The following SLC7A8 variants were observed in gnomAD, a reference collection of about 807,000 sequenced individuals.
SLC7A8 encodes large neutral amino acids transporter small subunit 2.
In SLC7A8, 30 loss-of-function variants were observed where a neutral mutation model predicts 51.2. The ratio of observed to expected loss-of-function variants is 0.59; its 90% CI spans 0.44 to 0.80. The LOEUF (loss-of-function observed/expected upper bound fraction) is 0.80, where lower values mean the gene tolerates loss of function less well. Among genes scored for constraint, SLC7A8 ranks in the 30% least tolerant of loss-of-function variants. The pLI, the probability that SLC7A8 is intolerant of heterozygous loss-of-function variation, is 0.00. For synonymous variants in SLC7A8, 257 were observed against 275.8 expected (o/e 0.93, Z 0.67); for missense variants, 612 against 674.4 (o/e 0.91, Z 1.03).
intron 3 of SLC7A8, chr14:23,154,554 G>T: frequency 1.1e-6 from 1 of 885,440 alleles, no homozygotes; most frequent in Non-Finnish European, 1.4e-6. Context: ...CTTCGGCTTG[G>T]CCTGTCCAAC....
At chr14:23,163,616 G>A (rs139049380) in intron 3 of SLC7A8, among the ~76,000 whole-genome samples, 4 of 152,186 alleles carry the variant, frequency 2.6e-5, no homozygotes, top group African/African-American at 7.2e-5. Flanking sequence ...CCCCCATCCC[G>A]TAACAGGACA....
chr14:23,142,335 G>A (rs1377028889), intron 4 of SLC7A8, among the ~76,000 whole-genome samples: 2 of 152,176 alleles, frequency 1.3e-5, no homozygotes, highest in South Asian at 2.1e-4. Flanking sequence ...CAGGGGCCCC[G>A]GGAATGCAGA....
rs572920953 is a variant in SLC7A8 at position 23,145,083 on chromosome 14, G to A, written c.509-1879C>T. ...CTACAGGCGCCCGCCACCACACCCA[G>A]CTAATTTTTTGTATTTTTAGTAAAG... On this transcript the variant is annotated intron_variant, in intron 3 of 10. Coordinates refer to ENST00000316902, the MANE Select transcript of SLC7A8 (RefSeq NM_012244.4). 7.3e-5 allele frequency among the ~76,000 whole-genome samples: 11 copies of A among 151,480 alleles called. No individual in the cohort carries two copies. In the South Asian group the frequency reaches 2.3e-3, roughly 32 times the overall value.
In SLC7A8 at chr14:23,126,945, G is replaced by T. The variant is rs551576643; in HGVS notation, c.*232C>A. The T allele has an allele frequency of 4.0e-3, 2,276 of 562,114 alleles. 10 individuals carry two copies. Among genetic ancestry groups the T allele is most frequent in the Non-Finnish European group, 6.0e-3 (1,899 of 316,668 alleles). The allele number at this position is 562,114 out of a possible 1,614,324, so 34.8% of individuals were successfully genotyped here. ...CCTCTCCTCCAGCAGCTGGGAGTGT[G>T]GGCAGCACTGGAGTGGGGCCTGGGA... On this transcript the variant is annotated 3_prime_UTR_variant, in exon 11 of 11. Coordinates refer to ENST00000316902, the MANE Select transcript of SLC7A8 (RefSeq NM_012244.4).
At position 23,126,171 on chromosome 14, in the gene SLC7A8, T is replaced by A. The variant is rs958214672; in HGVS notation, c.*1006A>T. 19 of 152,798 alleles carry A rather than the reference T, an allele frequency of 1.2e-4. No homozygotes were observed. The highest frequency in any genetic ancestry group is 4.6e-4 in the African/African-American group (19 of 41,410). 9.5% of individuals were successfully genotyped at this position (152,798 alleles called of 1,614,324 possible). On this transcript the variant is annotated 3_prime_UTR_variant, in exon 11 of 11. Coordinates refer to ENST00000316902, the MANE Select transcript of SLC7A8 (RefSeq NM_012244.4). ...ATAGGGGAGTATTTTTAGGCCAAGT[T>A]CTTGGATGGGAGGTGACTTAAGGCT...
chr14:23,162,593 G>C (rs1011620792), intron 3 of SLC7A8, among the ~76,000 whole-genome samples: 2 of 152,164 alleles, frequency 1.3e-5, no homozygotes, highest in African/African-American at 2.4e-5. Context: ...TCCTTGGCTT[G>C]GTCCTTGCAG....
chr14:23,128,111 C>G lies in SLC7A8; in HGVS notation c.1349G>C (p.Gly450Ala). 1.2e-6 allele frequency: 2 copies of G among 1,614,210 alleles called. No individual in the cohort carries two copies. Among genetic ancestry groups the G allele is most frequent in the Non-Finnish European group, 1.7e-6 (2 of 1,180,038 alleles). Residue 450 changes from glycine (G) to alanine (A), a missense_variant, in exon 10 of 11, where the codon GGC becomes GCC. Transcript: ENST00000316902. The surrounding 1 kb of genome is among the most constrained non-coding windows in gnomAD (Gnocchi z 4.3). ...FSLWSEPVVC[G>A]IGLAIMLTGV... Reference sequence around the variant, plus strand: ...TGTCAGCATGATGGCCAGGCCAATGCCACACACCACCGGCTCTGACCACAG... The same window carrying G: ...TGTCAGCATGATGGCCAGGCCAATGGCACACACCACCGGCTCTGACCACAG...
At chr14:23,129,898 A>G (rs910614531) in intron 8 of SLC7A8, 99 bp from the exon 9 acceptor site, 1 of 1,342,458 alleles carries the variant, frequency 7.4e-7, no homozygotes, top group Non-Finnish European at 1.0e-6. Context: ...AGATGATGCC[A>G]TCGTATAATG....
At position 23,165,660 on chromosome 14, in the gene SLC7A8, T is replaced by A. The variant is rs1237295211; in HGVS notation, c.357-224A>T. 2.0e-5 allele frequency among the ~76,000 whole-genome samples: 3 copies of A among 152,218 alleles called. No individual in the cohort carries two copies. The highest frequency in any genetic ancestry group is 7.2e-5 in the African/African-American group (3 of 41,456). On this transcript the variant is annotated intron_variant, in intron 2 of 10. Transcript: ENST00000316902. This position sits in a 1 kb window ranked among gnomAD's most constrained non-coding sequence, Gnocchi z 4.2. ...GCACTAACACAAGTCTTGGCGTTCT[T>A]CCTTTCTCTCCTCTCCTTTCATGAT...
chr14:23,163,565 C>T (rs968538555), intron 3 of SLC7A8, among the ~76,000 whole-genome samples: 3 of 152,198 alleles, frequency 2.0e-5, no homozygotes, highest in African/African-American at 7.2e-5. Flanking sequence ...CAGCTGCCTG[C>T]CCTGTAAGAG....
In SLC7A8 at chr14:23,162,092, A is replaced by C. The variant is rs1339545334; in HGVS notation, c.508+3193T>G. Among the ~76,000 whole-genome samples the C allele has an allele frequency of 2.0e-5, 3 of 152,174 alleles. No homozygotes were observed. In the East Asian group the frequency reaches 5.8e-4, roughly 29 times the overall value. On this transcript the variant is annotated intron_variant, in intron 3 of 10. Transcript: ENST00000316902. Reference sequence around the variant, plus strand: ...CCTATAGAAGTGGATTAAAAAAAAAAAGTATTCAACAAACCGGAAAACAGA... The same window carrying C: ...CCTATAGAAGTGGATTAAAAAAAAACAGTATTCAACAAACCGGAAAACAGA...
In SLC7A8 at chr14:23,140,621, T is replaced by A; in HGVS notation, c.638A>T (p.Glu213Val). ...IMGIVQICKGEYFWLEPKNAF... is the reference protein window; with the variant it reads ...IMGIVQICKGVYFWLEPKNAF... ...ATTCTTTGGCTCCAGCCAGAAGTACTCTCCTGTGGACACAAGCAACAGGAG... is the reference window on the plus strand; with the variant it reads ...ATTCTTTGGCTCCAGCCAGAAGTACACTCCTGTGGACACAAGCAACAGGAG... Residue 213 changes from glutamate to valine, a missense_variant, in exon 5 of 11, where the codon GAG becomes GTG. Physicochemically the swap from Glu to Val is moderately radical, Grantham distance 121. Transcript: ENST00000316902. 1 of 1,612,772 alleles carries A rather than the reference T, an allele frequency of 6.2e-7. No homozygotes were observed. The highest frequency in any genetic ancestry group is 1.3e-5 in the African/African-American group (1 of 75,026).
Position 23,127,000 on chromosome 14 carries a change from T to G in SLC7A8, c.*177A>C. ...GACCCTGGGGTGAGAGGCTGGTTCT[T>G]TGGGTATGAATGTCAGTTTTTGTTT... On this transcript the variant is annotated 3_prime_UTR_variant, in exon 11 of 11. Transcript: ENST00000316902. 1 of 731,022 alleles carries G rather than the reference T, an allele frequency of 1.4e-6. No individual in the cohort carries two copies. Among genetic ancestry groups the G allele is most frequent in the Non-Finnish European group, 2.2e-6 (1 of 447,774 alleles). 45.3% of individuals were successfully genotyped at this position (731,022 alleles called of 1,614,324 possible).
At chr14:23,141,427 T>G (rs1397308720) in intron 4 of SLC7A8, among the ~76,000 whole-genome samples, 3 of 152,248 alleles carry the variant, frequency 2.0e-5, no homozygotes, top group South Asian at 4.1e-4. Flanking sequence ...TATCTCTTTC[T>G]GAGGTGTGTG....
intron 1 of SLC7A8, among the ~76,000 whole-genome samples, chr14:23,171,949 T>C (rs988519472): frequency 6.6e-6 from 1 of 152,204 alleles, no homozygotes; most frequent in African/African-American, 2.4e-5. Flanking sequence ...TGCAGAACAC[T>C]GCTCTTCTGG....
At chr14:23,158,566 G>T (rs1008568890) in intron 3 of SLC7A8, among the ~76,000 whole-genome samples, 1 of 152,148 alleles carries the variant, frequency 6.6e-6, no homozygotes, top group South Asian at 2.1e-4. Context: ...GGCTGGTCTC[G>T]AACTCCTGAC....
In SLC7A8 at chr14:23,125,585, C is replaced by T. The variant is rs2048568487; in HGVS notation, c.*1592G>A. The T allele has an allele frequency of 6.6e-6, 1 of 152,586 alleles. No individual in the cohort carries two copies. Among genetic ancestry groups the T allele is most frequent in the South Asian group, 2.1e-4 (1 of 4,824 alleles). 9.5% of individuals were successfully genotyped at this position (152,586 alleles called of 1,614,324 possible). A position where few individuals can be genotyped will look rare whatever the true frequency, so the allele number is the denominator to read the frequency against. On this transcript the variant is annotated 3_prime_UTR_variant, in exon 11 of 11. Coordinates refer to ENST00000316902, the MANE Select transcript of SLC7A8 (RefSeq NM_012244.4). ...GGTCCCCTGACCCTCCAGGGGCCAA[C>T]CCCAGCCTGCCGGGCATCTACTCTG... is the stretch of plus-strand genomic sequence containing the variant.
intron 7 of SLC7A8, among the ~76,000 whole-genome samples, chr14:23,131,997 CTA>C (rs1467449636): frequency 1.4e-5 from 2 of 139,144 alleles, no homozygotes; most frequent in African/African-American, 5.5e-5. Context: ...TAAAAACACT[CTA>C]TTTTTTTTTT....
At chr14:23,152,797 C>G (rs114362534) in intron 3 of SLC7A8, among the ~76,000 whole-genome samples, 1 of 152,152 alleles carries the variant, frequency 6.6e-6, no homozygotes, top group South Asian at 2.1e-4. Context: ...TTTTGTGCCT[C>G]CCTCAGGGAG....
Sources: gnomAD v4.1 joint callset for allele counts (sites outside exome capture counted in the v4.1 genomes callset) on GRCh38, gnomAD v4.1.1 for gene constraint, Gnocchi (gnomAD v3.1) non-coding constraint, MANE v1.5 for transcripts, NCBI Gene and HGNC (gene_info 2026-07-23, HGNC 2026-07-21) for gene names.